The following HSD17B12 variants were observed in gnomAD, a reference collection of about 807,000 sequenced individuals.
HSD17B12 encodes the protein hydroxysteroid 17-beta dehydrogenase 12.
A neutral mutation model predicts 39.3 loss-of-function variants in HSD17B12; 32 were observed. The observed-to-expected ratio is 0.81, with a 90% CI of 0.61 to 1.09. The LOEUF (loss-of-function observed/expected upper bound fraction) is 1.09, where lower values mean the gene tolerates loss of function less well. Among genes scored for constraint, HSD17B12 ranks in the 50% least tolerant of loss-of-function variants. The probability of loss-of-function intolerance (pLI) is 0.00; values close to 1 mark genes in which losing one functional copy is unlikely to be tolerated. For missense variants in HSD17B12, 342 were observed against 382.9 expected (o/e 0.89, Z 0.89); for synonymous variants, 150 against 146.7 (o/e 1.02, Z -0.16).
At chr11:43,729,358 T>C (rs1299293951) in intron 1 of HSD17B12, among the ~76,000 whole-genome samples, 1 of 152,238 alleles carries the variant, frequency 6.6e-6, no homozygotes, top group Non-Finnish European at 1.5e-5. Context: ...TAGCAGATAG[T>C]ATTAATTTTT....
At chr11:43,690,481 C>A (rs1441165629) in intron 1 of HSD17B12, among the ~76,000 whole-genome samples, 2 of 142,036 alleles carry the variant, frequency 1.4e-5, no homozygotes, top group Non-Finnish European at 3.0e-5. Flanking sequence ...CTCAAGCAAT[C>A]CTCCTGCCTT....
chr11:43,794,050 A>G (rs10838170), intron 3 of HSD17B12, among the ~76,000 whole-genome samples: 34,232 of 152,048 alleles, frequency 0.23, 4,107 homozygotes, highest in Middle Eastern at 0.37. Flanking sequence ...AGTTCATACC[A>G]GTTTTTTTCT....
intron 9 of HSD17B12, among the ~76,000 whole-genome samples, chr11:43,849,507 C>G (rs1485129380): frequency 2.0e-5 from 3 of 152,142 alleles, no homozygotes; most frequent in African/African-American, 7.2e-5. Flanking sequence ...TTTGAGGATG[C>G]CTTCACCTCA....
chr11:43,855,276 C>A lies in HSD17B12; in HGVS notation c.*28C>A. ...ATTGATAACTGCATTGTAACTTGGC[C>A]AGATGCTCCAGCATATGCACGTTCA... On this transcript the variant is annotated 3_prime_UTR_variant, in exon 11 of 11. Coordinates refer to ENST00000278353, the MANE Select transcript of HSD17B12 (RefSeq NM_016142.3). 7.0e-7 allele frequency: 1 copy of A among 1,427,648 alleles called. No individual in the cohort carries two copies. Among genetic ancestry groups the A allele is most frequent in the Non-Finnish European group, 9.7e-7 (1 of 1,026,922 alleles). The allele number at this position is 1,427,648 out of a possible 1,614,324, so 88.4% of individuals were successfully genotyped here. A position where few individuals can be genotyped will look rare whatever the true frequency, so the allele number is the denominator to read the frequency against.
the HSD17B12 span, among the ~76,000 whole-genome samples, chr11:43,623,238 A>T: frequency 1.3e-5 from 2 of 152,288 alleles, no homozygotes; most frequent in East Asian, 3.9e-4. Flanking sequence ...GCAGGATTCC[A>T]TGAAAGTCTT....
At chr11:43,704,233 A>T (rs1949993151) in intron 1 of HSD17B12, among the ~76,000 whole-genome samples, 1 of 152,224 alleles carries the variant, frequency 6.6e-6, no homozygotes, top group Non-Finnish European at 1.5e-5. Context: ...AGATAATTTT[A>T]AAAATATAGT....
chr11:43,830,719 T>C (rs1951300043), intron 6 of HSD17B12: 1 of 285,992 alleles, frequency 3.5e-6, no homozygotes, highest in South Asian at 1.0e-4. Context: ...TGTGCCAGTA[T>C]TACATTTCAG....
chr11:43,840,979 C>T (rs1201594226), intron 9 of HSD17B12, among the ~76,000 whole-genome samples: 14 of 152,168 alleles, frequency 9.2e-5, no homozygotes, highest in Non-Finnish European at 1.5e-5. Flanking sequence ...CCAGTTTACA[C>T]TTCCACTGGC....
chr11:43,613,125 C>T, the HSD17B12 span, among the ~76,000 whole-genome samples: 3 of 152,186 alleles, frequency 2.0e-5, no homozygotes, highest in South Asian at 2.1e-4. Flanking sequence ...TATTCTTGGC[C>T]GGGCACAGTG....
At chr11:43,614,672 A>G in the HSD17B12 span, among the ~76,000 whole-genome samples, 1 of 152,038 alleles carries the variant, frequency 6.6e-6, no homozygotes, top group African/African-American at 2.4e-5. Flanking sequence ...TTATTATCCT[A>G]CAGTTCCCTA....
Position 43,855,441 on chromosome 11 carries a change from G to A in HSD17B12, c.*193G>A, listed in dbSNP as rs1951574125. ...GACATATATTCTGGATACTATCCGA[G>A]GTAATTTTGAAGTTTAATATAAATG... On this transcript the variant is annotated 3_prime_UTR_variant, in exon 11 of 11. Transcript: ENST00000278353. 2 of 353,616 alleles carry A rather than the reference G, an allele frequency of 5.7e-6. No individual in the cohort carries two copies. Among genetic ancestry groups the A allele is most frequent in the South Asian group, 8.1e-5 (1 of 12,308 alleles). 21.9% of individuals were successfully genotyped at this position (353,616 alleles called of 1,614,324 possible).
At chr11:43,606,180 T>G in the HSD17B12 span, among the ~76,000 whole-genome samples, 27 of 152,236 alleles carry the variant, frequency 1.8e-4, no homozygotes, top group African/African-American at 6.0e-4. Flanking sequence ...TGTAGTAGTA[T>G]TTAATCAATT....
chr11:43,651,316 G>T, the HSD17B12 span, among the ~76,000 whole-genome samples: 6 of 152,094 alleles, frequency 3.9e-5, no homozygotes, highest in African/African-American at 1.4e-4. Context: ...CTGTGCTGGA[G>T]GTCAAACAAT....
chr11:43,572,690 G>C, the HSD17B12 span, among the ~76,000 whole-genome samples: 1 of 152,174 alleles, frequency 6.6e-6, no homozygotes, highest in Non-Finnish European at 1.5e-5. Context: ...ATGACACCTA[G>C]AGAATTGCCT....
chr11:43,818,123 C>T (rs1269334565), intron 6 of HSD17B12, among the ~76,000 whole-genome samples: 1 of 152,116 alleles, frequency 6.6e-6, no homozygotes, highest in African/African-American at 2.4e-5. Context: ...AGGCTGGAGA[C>T]TTATTTTTAC....
At chr11:43,759,769 G>A (rs1324350330) in intron 3 of HSD17B12, among the ~76,000 whole-genome samples, 3 of 151,242 alleles carry the variant, frequency 2.0e-5, no homozygotes, top group Non-Finnish European at 2.9e-5. Context: ...ACTTTGTCAC[G>A]CAGGCTGGAA....
At chr11:43,618,781 C>T in the HSD17B12 span, among the ~76,000 whole-genome samples, 2 of 151,972 alleles carry the variant, frequency 1.3e-5, no homozygotes, top group South Asian at 4.2e-4. Flanking sequence ...CTGAGGACTT[C>T]AGAACTAGAA....
intron 9 of HSD17B12, among the ~76,000 whole-genome samples, chr11:43,840,453 T>G (rs532283732): frequency 1.3e-5 from 2 of 152,242 alleles, no homozygotes; most frequent in African/African-American, 4.8e-5. Flanking sequence ...TACATTCACA[T>G]ATCGTGCAAC....
In HSD17B12 at chr11:43,753,217, C is replaced by A. The variant is rs1392302004; in HGVS notation, c.208-829C>A. On this transcript the variant is annotated intron_variant, in intron 2 of 10. Transcript: ENST00000278353. Reference sequence around the variant, plus strand: ...CACAGAAGGTGTTCCTCAGGAAATTCTTTATTTATTCAATTAACTTCTTTA... The same window carrying A: ...CACAGAAGGTGTTCCTCAGGAAATTATTTATTTATTCAATTAACTTCTTTA... Among the ~76,000 whole-genome samples, 3 of 151,948 alleles carry A rather than the reference C, an allele frequency of 2.0e-5. No homozygotes were observed. The East Asian group carries it at 5.8e-4, about 29-fold the overall frequency.
Sources: gnomAD v4.1 joint callset for allele counts (sites outside exome capture counted in the v4.1 genomes callset) on GRCh38, gnomAD v4.1.1 for gene constraint, MANE v1.5 for transcripts, NCBI Gene and HGNC (gene_info 2026-07-23, HGNC 2026-07-21) for gene names.